The following AKT3 variants were observed in gnomAD, a reference collection of about 807,000 sequenced individuals.
AKT3 encodes the protein RAC-gamma serine/threonine-protein kinase.
In AKT3, 15 loss-of-function variants were observed where a neutral mutation model predicts 65.3. The ratio of observed to expected loss-of-function variants is 0.23; its 90% confidence interval spans 0.15 to 0.35. The LOEUF (loss-of-function observed/expected upper bound fraction) is 0.35, where lower values mean the gene tolerates loss of function less well. Among genes scored for constraint, AKT3 ranks in the 10% least tolerant of loss-of-function variants. The pLI is 1.00. For missense variants in AKT3, 243 were observed against 576.5 expected (o/e 0.42, Z 5.92); for synonymous variants, 206 against 183.8 (o/e 1.12, Z -0.98).
intron 5 of AKT3, among the ~76,000 whole-genome samples, chr1:243,642,465 A>G (rs915687310): frequency 4.6e-5 from 7 of 152,012 alleles, no homozygotes; most frequent in African/African-American, 9.7e-5. Context: ...GCCCGCCACC[A>G]CGCCTGGTTA....
rs1446710916 is a variant in AKT3, at chr1:243,785,103, C to T, written c.46+58022G>A. 1.1e-4 allele frequency among the ~76,000 whole-genome samples: 16 copies of T among 143,790 alleles called. No homozygotes were observed. The South Asian group carries it at 1.5e-3, about 14-fold the overall frequency. 94.3% of individuals were successfully genotyped at this position (143,790 alleles called of 152,430 possible). On this transcript the variant is annotated intron_variant, in intron 2 of 13. Transcript: ENST00000673466. The stretch of plus-strand genomic sequence containing the variant: ...TTTTTGAGATGGAGTCTTGCTTTGT[C>T]GCCCAGGCTGGAGTGCAGTGGTGCA...
intron 2 of AKT3, among the ~76,000 whole-genome samples, chr1:243,728,875 G>T (rs1687375184): frequency 6.6e-6 from 1 of 152,110 alleles, no homozygotes; most frequent in African/African-American, 2.4e-5. Flanking sequence ...CTTAGGGAAA[G>T]GAGTCCTCCA....
chr1:243,724,119 T>A (rs1461483555), intron 2 of AKT3, among the ~76,000 whole-genome samples: 11 of 152,072 alleles, frequency 7.2e-5, no homozygotes, highest in Non-Finnish European at 1.6e-4. Flanking sequence ...TCTGAGCCAC[T>A]GTAACAATGC....
chr1:243,751,473 G>T (rs898582289), intron 2 of AKT3, among the ~76,000 whole-genome samples: 2 of 152,154 alleles, frequency 1.3e-5, no homozygotes, highest in East Asian at 1.9e-4. Flanking sequence ...TTTTAGGGGA[G>T]GGGGGAATGC....
At chr1:243,539,885 T>C (rs1325100652) in intron 12 of AKT3, among the ~76,000 whole-genome samples, 1 of 152,126 alleles carries the variant, frequency 6.6e-6, no homozygotes, top group East Asian at 1.9e-4. Context: ...GCAAAATTCA[T>C]CTGAGTAACA....
At chr1:243,722,387 C>A (rs1172403664) in intron 2 of AKT3, among the ~76,000 whole-genome samples, 1 of 152,132 alleles carries the variant, frequency 6.6e-6, no homozygotes, top group Non-Finnish European at 1.5e-5. Context: ...TAAATGTTAA[C>A]ATGTCTAAAT....
In AKT3 at chr1:243,704,460, T is replaced by A. The variant is rs184444220; in HGVS notation, c.47-8744A>T. ...GACTAATTAAAATTTTAAGTGAAAA[T>A]TTCTCCCATTTCTTTAACCATTCTT... On this transcript the variant is annotated intron_variant, in intron 2 of 13. Transcript: ENST00000673466. Among the ~76,000 whole-genome samples the A allele has an allele frequency of 3.9e-5, 6 of 152,238 alleles. No individual in the cohort carries two copies. The East Asian group carries it at 1.2e-3, about 29-fold the overall frequency.
At chr1:243,786,969 G>A (rs932041030) in intron 2 of AKT3, among the ~76,000 whole-genome samples, 1 of 152,210 alleles carries the variant, frequency 6.6e-6, no homozygotes, top group African/African-American at 2.4e-5. Context: ...AGAACACAGT[G>A]TGTATTCTAA....
At chr1:243,850,005 G>C (rs1048993645) in intron 1 of AKT3, 35 bp downstream of exon 1, 2 of 984,034 alleles carry the variant, frequency 2.0e-6, no homozygotes, top group South Asian at 9.1e-5. Flanking sequence ...AGGCCAGGCG[G>C]GGAGGGGGCT....
intron 8 of AKT3, among the ~76,000 whole-genome samples, chr1:243,611,633 G>A (rs1677877194): frequency 6.6e-6 from 1 of 151,762 alleles, no homozygotes; most frequent in Non-Finnish European, 1.5e-5. Context: ...GCAGTGAGCA[G>A]AGATGGCACC....
At chr1:243,663,176 G>C (rs75233333) in intron 4 of AKT3, among the ~76,000 whole-genome samples, 1 of 152,294 alleles carries the variant, frequency 6.6e-6, no homozygotes, top group East Asian at 1.9e-4. Context: ...AGTTTAGTGA[G>C]AATGGCAAAC....
intron 2 of AKT3, among the ~76,000 whole-genome samples, chr1:243,703,760 C>CAAAAAAA (rs370671685): frequency 3.3e-4 from 26 of 78,022 alleles, no homozygotes; most frequent in Non-Finnish European, 3.8e-4. Context: ...GACTCCATCT[C>CAAAAAAA]AAAAAAAAAA....
At chr1:243,792,017 TGAA>T (rs765905339) in intron 2 of AKT3, among the ~76,000 whole-genome samples, 8 of 152,214 alleles carry the variant, frequency 5.3e-5, no homozygotes, top group Non-Finnish European at 1.0e-4. Flanking sequence ...TATTCTCAAC[TGAA>T]GAAGATTTAA....
chr1:243,593,643 G>A (rs1676392290), intron 8 of AKT3, among the ~76,000 whole-genome samples: 1 of 152,156 alleles, frequency 6.6e-6, no homozygotes, highest in Admixed American at 6.5e-5. Flanking sequence ...AGTGAGCTGA[G>A]ATCACGCCAC....
In AKT3 at chr1:243,628,011, C is replaced by T. The variant is rs1679307894; in HGVS notation, c.561+9600G>A. ...GAAGTATCTGCAACTCAGACTGGAG[C>T]TTATGGCAAAAAGCCCATGAATGCT... On this transcript the variant is annotated intron_variant, in intron 6 of 13. Coordinates refer to ENST00000673466, the MANE Select transcript of AKT3 (RefSeq NM_005465.7). Among the ~76,000 whole-genome samples, 3 of 152,158 alleles carry T rather than the reference C, an allele frequency of 2.0e-5. No homozygotes were observed. In the South Asian group the frequency reaches 6.2e-4, roughly 32 times the overall value.
chr1:243,818,331 G>A (rs1693651792), intron 2 of AKT3, among the ~76,000 whole-genome samples: 1 of 152,146 alleles, frequency 6.6e-6, no homozygotes, highest in Admixed American at 6.5e-5. Flanking sequence ...TGAGGAAACT[G>A]ACTCATCTTG....
chr1:243,777,076 T>C (rs1690600043), intron 2 of AKT3, among the ~76,000 whole-genome samples: 1 of 152,182 alleles, frequency 6.6e-6, no homozygotes, highest in Non-Finnish European at 1.5e-5. Context: ...AGGCAAACAC[T>C]TTAACAGCAG....
intron 10 of AKT3, among the ~76,000 whole-genome samples, chr1:243,562,911 G>C (rs1312400914): frequency 6.6e-6 from 1 of 152,096 alleles, no homozygotes; most frequent in African/African-American, 2.4e-5. Context: ...TATATAAAAT[G>C]GTTGTTTTCC....
At chr1:243,798,393 A>ATTTTTTTTTTTTTTTTTTTTTTTTTTT (rs759264137) in intron 2 of AKT3, among the ~76,000 whole-genome samples, 6 of 83,310 alleles carry the variant, frequency 7.2e-5, no homozygotes, top group Non-Finnish European at 1.3e-4. Flanking sequence ...CTAATTTTTA[A>ATTTTTTTTTTTTTTTTTTTTTTTTTTT]TTTTTTTTTT....
Sources: gnomAD v4.1 joint callset for allele counts (sites outside exome capture counted in the v4.1 genomes callset) on GRCh38, gnomAD v4.1.1 for gene constraint, MANE v1.5 for transcripts, NCBI Gene and HGNC (gene_info 2026-07-23, HGNC 2026-07-21) for gene names.